Variants in GOLGB1 observed in about 807,000 individuals in gnomAD.
The protein encoded by GOLGB1 is golgin subfamily B member 1.
Under a neutral mutation model 336.9 loss-of-function variants are expected in GOLGB1, and 174 were observed. The observed-to-expected ratio is 0.52, with a 90% CI of 0.46 to 0.59. The LOEUF (loss-of-function observed/expected upper bound fraction) is 0.59. Among genes scored for constraint, GOLGB1 ranks in the 20% least tolerant of loss-of-function variants. The pLI, the probability that GOLGB1 is intolerant of heterozygous loss-of-function variation, is 0.00. For missense variants in GOLGB1, 3,331 were observed against 3,645.3 expected, an observed-to-expected ratio of 0.91 and a Z score of 2.22; for synonymous variants, 1,208 against 1,289.2, an observed-to-expected ratio of 0.94 and a Z score of 1.35.
intron 13 of GOLGB1, among the ~76,000 whole-genome samples, 161 bp downstream of exon 13, chr3:121,693,580 T>C (rs1942662057): frequency 6.6e-6 from 1 of 152,132 alleles, no homozygotes; most frequent in South Asian, 2.1e-4. Flanking sequence ...TGTAGCAGGA[T>C]TGTTGTTTGC....
rs752331257 is a variant in GOLGB1, at chr3:121,729,956, C to A, written c.158G>T (p.Arg53Leu). 1.2e-6 allele frequency: 2 copies of A among 1,607,478 alleles called. No individual in the cohort carries two copies. The highest frequency in any genetic ancestry group is 1.7e-6 in the Non-Finnish European group (2 of 1,174,066). ...NNTTQEDVQE[R>L]LAYAEQLVVE... ...CACCAATTGCTCTGCATAAGCCAGG[C>A]GCTCCTGAACATCTTCTTGTGTAGT... Residue 53 changes from arginine to leucine, a missense_variant, in exon 3 of 22, where the codon CGC becomes CTC. Arg to Leu is a moderately radical substitution (Grantham distance 102). Transcript: ENST00000614479.
chr3:121,702,439 G>A, intron 11 of GOLGB1, 42 bp downstream of exon 11: 3 of 808,108 alleles, frequency 3.7e-6, no homozygotes, highest in Non-Finnish European at 5.5e-6. Context: ...AGGCACTTGT[G>A]GGATAAGAAG....
At position 121,664,792 on chromosome 3, in the gene GOLGB1, C is replaced by T. The variant is rs563478653; in HGVS notation, c.9660+134G>A. ...AATTCCACCAGGTTCTAATCTTCCA[C>T]GCCCTTCCAGCCTTAGACTCATTCG... On this transcript the variant is annotated intron_variant, in intron 21 of 21. Transcript: ENST00000614479. 126 of 776,340 alleles carry T rather than the reference C, an allele frequency of 1.6e-4. No individual in the cohort carries two copies. The Middle Eastern group carries it at 3.1e-3, about 19-fold the overall frequency. 48.1% of individuals were successfully genotyped at this position (776,340 alleles called of 1,614,324 possible).
In GOLGB1 at chr3:121,720,645, T is replaced by C. The variant is rs139044744; in HGVS notation, c.649-877A>G. Among the ~76,000 whole-genome samples the C allele has an allele frequency of 3.2e-4, 48 of 152,328 alleles. No homozygotes were observed. The East Asian group carries it at 9.2e-3, about 29-fold the overall frequency. On this transcript the variant is annotated intron_variant, in intron 6 of 21. Transcript: ENST00000614479. ...ACAAATCCTCAGAATGTTTTTATTATCTGAATTGTGACCTCACTAGGAATT... is the reference window on the plus strand; with the variant it reads ...ACAAATCCTCAGAATGTTTTTATTACCTGAATTGTGACCTCACTAGGAATT...
intron 16 of GOLGB1, 54 bp from the exon 17 acceptor site, chr3:121,677,084 T>A: frequency 6.2e-7 from 1 of 1,604,900 alleles, no homozygotes; most frequent in Non-Finnish European, 8.5e-7. Context: ...GCATGCTTAA[T>A]TCCTTCCCTC....
chr3:121,712,345 A>G (rs966929836), intron 10 of GOLGB1, among the ~76,000 whole-genome samples: 2 of 152,156 alleles, frequency 1.3e-5, no homozygotes, highest in Non-Finnish European at 2.9e-5. Flanking sequence ...AACTAAAACC[A>G]TAAAGCTTGT....
intron 8 of GOLGB1, among the ~76,000 whole-genome samples, chr3:121,717,777 T>C (rs568192397): frequency 4.6e-5 from 7 of 152,280 alleles, no homozygotes; most frequent in African/African-American, 1.7e-4. Flanking sequence ...TAAAGGATAA[T>C]ACAGGTCAAG....
Position 121,690,954 on chromosome 3 carries a change from T to G in GOLGB1, c.8410A>C (p.Ser2804Arg), listed in dbSNP as rs1354287354. 2.5e-6 allele frequency: 4 copies of G among 1,614,120 alleles called. No homozygotes were observed. The highest frequency in any genetic ancestry group is 3.4e-6 in the Non-Finnish European group (4 of 1,180,038). The change falls in exon 14 of 22, where the codon AGC becomes CGC. Residue 2804 changes from serine to arginine, a missense_variant. Transcript: ENST00000614479. Reference protein sequence around the residue: ...AFSMNSTEENSLSHLEKLNQQ... With the variant: ...AFSMNSTEENRLSHLEKLNQQ... ...TTAAGTTTCTCAAGGTGAGACAAGC[T>G]ATTCTCCTCAGTGGAGTTCATTGAA... is the stretch of plus-strand genomic sequence containing the variant.
intron 10 of GOLGB1, among the ~76,000 whole-genome samples, chr3:121,710,781 CAGGAG>C (rs1560272717): frequency 6.6e-6 from 1 of 151,682 alleles, no homozygotes. Flanking sequence ...CACTTAAGCC[CAGGAG>C]GTTGAGGCTG....
At position 121,691,015 on chromosome 3, in the gene GOLGB1, G is replaced by A. The variant is rs768612991; in HGVS notation, c.8349C>T (p.Asn2783=). ...CAGAAAGAAGAGCATCTCTCTCTCT[G>A]TTTAAGAGTCCCTGTTCTTTCAACT... ...LAQLKEQGLL[N]RERDALLSET... The change falls in exon 14 of 22, where the codon AAC becomes AAT. Residue 2783 remains asparagine (N), a synonymous_variant. Coordinates refer to ENST00000614479, the MANE Select transcript of GOLGB1 (RefSeq NM_001366282.2). The A allele has an allele frequency of 1.2e-6, 2 of 1,613,718 alleles. No homozygotes were observed. Among genetic ancestry groups the A allele is most frequent in the Admixed American group, 1.7e-5 (1 of 59,996 alleles).
rs755790634 is a variant in GOLGB1 at position 121,669,372 on chromosome 3, G to A, written c.9178-17C>T. ...CTGAGAGAACTGAAACAGAGGCGAG[G>A]ATAAGCATCATCCTGCAGTACTGTA... On this transcript the variant is annotated splice_polypyrimidine_tract_variant and intron_variant, in intron 17 of 21. Coordinates refer to ENST00000614479, the MANE Select transcript of GOLGB1 (RefSeq NM_001366282.2). 1 of 1,610,286 alleles carries A rather than the reference G, an allele frequency of 6.2e-7. No individual in the cohort carries two copies. The highest frequency in any genetic ancestry group is 8.5e-7 in the Non-Finnish European group (1 of 1,176,724).
intron 1 of GOLGB1, among the ~76,000 whole-genome samples, chr3:121,731,489 G>A (rs1421671255): frequency 2.0e-5 from 3 of 151,382 alleles, no homozygotes; most frequent in African/African-American, 7.3e-5. Flanking sequence ...TCAGCCTTTC[G>A]AGTAGCTGAG....
intron 14 of GOLGB1, among the ~76,000 whole-genome samples, chr3:121,689,440 T>C (rs1487405669): frequency 4.7e-5 from 7 of 150,446 alleles, no homozygotes; most frequent in Non-Finnish European, 7.4e-5. Context: ...GTTAAACAGA[T>C]GCTTGAAGGC....
intron 17 of GOLGB1, among the ~76,000 whole-genome samples, chr3:121,671,681 T>C (rs773731702): frequency 3.3e-5 from 5 of 152,200 alleles, no homozygotes; most frequent in Non-Finnish European, 5.9e-5. Flanking sequence ...TTTTGAAATA[T>C]ACAATAGATT....
chr3:121,718,524 A>G (rs763359036), intron 7 of GOLGB1, 23 bp from the exon 8 acceptor site: 9 of 1,408,156 alleles, frequency 6.4e-6, no homozygotes, highest in Non-Finnish European at 2.0e-6. Flanking sequence ...CATTTTAGAC[A>G]TAATATGCTA....
chr3:121,714,029 T>C (rs941475309), intron 10 of GOLGB1, among the ~76,000 whole-genome samples: 2 of 152,176 alleles, frequency 1.3e-5, no homozygotes, highest in East Asian at 1.9e-4. Context: ...TTGCAACTTA[T>C]TCGAATGGTT....
intron 1 of GOLGB1, among the ~76,000 whole-genome samples, chr3:121,739,800 C>T (rs757325457): frequency 7.2e-5 from 11 of 152,056 alleles, no homozygotes; most frequent in East Asian, 1.9e-4. Context: ...TATTAATAGA[C>T]GGTTAAGCAA....
At position 121,697,646 on chromosome 3, in the gene GOLGB1, T is replaced by C. The variant is rs565352910; in HGVS notation, c.2877A>G (p.Glu959=). The C allele has an allele frequency of 2.5e-5, 41 of 1,612,366 alleles. No homozygotes were observed. Among genetic ancestry groups the C allele is most frequent in the Non-Finnish European group, 3.4e-5 (40 of 1,179,756 alleles). Residue 959 remains glutamate, a synonymous_variant, in exon 13 of 22, where the codon GAA becomes GAG. Transcript: ENST00000614479. ...AKKEQVEEDN[E]VSSGLKQNYD... ...AATTTTGTTTAAGGCCAGAAGAAAC[T>C]TCATTATCTTCTTCCACCTGCTCTT...
chr3:121,730,083 T>C, intron 2 of GOLGB1, 66 bp from the exon 3 acceptor site: 1 of 1,096,272 alleles, frequency 9.1e-7, no homozygotes, highest in Non-Finnish European at 1.3e-6. Flanking sequence ...CAGGAGTTTC[T>C]TCATTCCAAC....
Sources: allele counts gnomAD v4.1 joint callset (sites outside exome capture counted in the v4.1 genomes callset), GRCh38; gene constraint gnomAD v4.1.1; transcripts MANE v1.5; gene names NCBI Gene and HGNC (gene_info 2026-07-23, HGNC 2026-07-21).